The following MARF1 variants were observed in gnomAD, a reference collection of about 807,000 sequenced individuals.
The protein encoded by MARF1 is limkain-b1.
In MARF1, 24 loss-of-function variants were observed where a neutral mutation model predicts 168.2. That is an observed-to-expected ratio of 0.14 (90% CI 0.10 to 0.20). The LOEUF is 0.20. MARF1 is among the 10% of genes least tolerant of loss of function. MARF1 has a pLI of 1.00. For synonymous variants in MARF1, 868 were observed against 822.4 expected, an observed-to-expected ratio of 1.06 and a Z score of -0.95; for missense variants, 1,744 against 2,143.6, an observed-to-expected ratio of 0.81 and a Z score of 3.68.
At position 15,612,686 on chromosome 16, in the gene MARF1, T is replaced by C. The variant is rs1261445994; in HGVS notation, c.3345A>G (p.Pro1115=). The stretch of plus-strand genomic sequence containing the variant: ...AATGACTGATGGGTATGACACAAGA[T>C]GGCTGGCTTTTCAGCAAGTCAATCA... ...REVIDLLKSQ[P]SCVIPISHFI... is the part of the protein sequence containing the mutation. Residue 1115 remains proline (P), a synonymous_variant, in exon 17 of 27, where the codon CCA becomes CCG. Coordinates refer to ENST00000396368, the MANE Select transcript of MARF1 (RefSeq NM_014647.4). 2 of 1,614,188 alleles carry C rather than the reference T, an allele frequency of 1.2e-6. No individual in the cohort carries two copies. Among genetic ancestry groups the C allele is most frequent in the Non-Finnish European group, 1.7e-6 (2 of 1,180,018 alleles).
At chr16:15,604,130 T>C (rs1567533846) in intron 22 of MARF1, 38 bp downstream of exon 22, 1 of 1,467,750 alleles carries the variant, frequency 6.8e-7, no homozygotes, top group South Asian at 1.1e-5. Context: ...AATCGATAGT[T>C]TTCAATGATA....
In MARF1 at chr16:15,602,119, T is replaced by C. The variant is rs1168987574; in HGVS notation, c.4498A>G (p.Thr1500Ala). ...FAKNVRSLLH[T>A]YHYQQIFLHE... ...AGGAAAATCTGCTGGTAGTGGTAAG[T>C]ATGAAGTAAAGACCGCACATTCTTT... is the stretch of plus-strand genomic sequence containing the variant. The change falls in exon 23 of 27, where the codon ACT (threonine) becomes GCT (alanine). Residue 1500 changes from threonine (T) to alanine (A), a missense_variant. This residue lies in a region of MARF1 where 313 missense variants were observed against 337.4 expected (regional missense o/e 0.93). Coordinates refer to ENST00000396368, the MANE Select transcript of MARF1 (RefSeq NM_014647.4). The C allele has an allele frequency of 1.2e-6, 2 of 1,614,138 alleles. No homozygotes were observed. Among genetic ancestry groups the C allele is most frequent in the Non-Finnish European group, 1.7e-6 (2 of 1,179,982 alleles).
chr16:15,635,451 T>C, intron 3 of MARF1: 2 of 564,656 alleles, frequency 3.5e-6, no homozygotes, highest in East Asian at 5.7e-5. Flanking sequence ...ACTACAAAAA[T>C]AATGACTCTC....
intron 25 of MARF1, among the ~76,000 whole-genome samples, chr16:15,599,588 G>A (rs922316784): frequency 6.6e-6 from 1 of 152,136 alleles, no homozygotes; most frequent in South Asian, 2.1e-4. Context: ...CACAGGGGAC[G>A]GTAACGTGCT....
chr16:15,620,389 T>G, intron 13 of MARF1, 62 bp downstream of exon 13: 1 of 980,300 alleles, frequency 1.0e-6, no homozygotes, highest in Non-Finnish European at 1.6e-6. Flanking sequence ...ATTACCATGG[T>G]TTTGTGCATG....
At chr16:15,628,329 TG>T (rs34561132) in intron 7 of MARF1, among the ~76,000 whole-genome samples, 1 of 152,120 alleles carries the variant, frequency 6.6e-6, no homozygotes, top group Non-Finnish European at 1.5e-5. Context: ...GGTAGAATTG[TG>T]GGGTTTTCAC....
chr16:15,636,888 A>G lies in MARF1; in HGVS notation c.145-546T>C, dbSNP rs144154846. On this transcript the variant is annotated intron_variant, in intron 2 of 26. Coordinates refer to ENST00000396368, the MANE Select transcript of MARF1 (RefSeq NM_014647.4). ...ATGGCCCATCCGTGTTGCTGATGAC[A>G]TTTCATAAACCCTAAGATATCATGA... Among the ~76,000 whole-genome samples, 39 of 152,328 alleles carry G rather than the reference A, an allele frequency of 2.6e-4. No individual in the cohort carries two copies. The East Asian group carries it at 7.1e-3, about 28-fold the overall frequency.
chr16:15,621,674 TA>T, intron 12 of MARF1, 58 bp downstream of exon 12: 2 of 1,508,654 alleles, frequency 1.3e-6, no homozygotes, highest in Non-Finnish European at 9.1e-7. Context: ...TTATTATTTC[TA>T]AAATTGTTTC....
intron 25 of MARF1, among the ~76,000 whole-genome samples, chr16:15,599,946 T>TC (rs1347506618): frequency 2.6e-5 from 4 of 152,080 alleles, no homozygotes; most frequent in Non-Finnish European, 5.9e-5. Flanking sequence ...GAGAATCCCC[T>TC]CACCCTTCAC....
Position 15,604,333 on chromosome 16 carries a change from A to C in MARF1, c.4248T>G (p.Thr1416=), listed in dbSNP as rs761258455. 6.2e-7 allele frequency: 1 copy of C among 1,614,164 alleles called. No individual in the cohort carries two copies. The highest frequency in any genetic ancestry group is 2.2e-5 in the East Asian group (1 of 44,876). ...LINRKSLRSL[T]AQLLVLLMSW... is the part of the protein sequence containing the mutation. ...ACATCAACAATACCAGCAACTGGGC[A>C]GTGAGAGATCGCAGAGACTTTCGGT... The change falls in exon 22 of 27, where the codon ACT becomes ACG. Residue 1416 remains threonine (T), a synonymous_variant. Coordinates refer to ENST00000396368, the MANE Select transcript of MARF1 (RefSeq NM_014647.4).
intron 5 of MARF1, among the ~76,000 whole-genome samples, chr16:15,632,026 ATTC>A (rs1401524655): frequency 6.6e-6 from 1 of 152,194 alleles, no homozygotes; most frequent in East Asian, 1.9e-4. Context: ...TTAATAAGTA[ATTC>A]TTGAGAAAAA....
chr16:15,600,572 C>G lies in MARF1; in HGVS notation c.4688-19G>C, dbSNP rs1470941609. The G allele has an allele frequency of 1.9e-6, 3 of 1,614,150 alleles. No individual in the cohort carries two copies. The East Asian group carries it at 6.7e-5, about 36-fold the overall frequency. On this transcript the variant is annotated intron_variant, in intron 24 of 26. Transcript: ENST00000396368. ...AAACGACCTACAGGACAAAGAGCAC[C>G]CGTCAGAGAGAAATGTCAGTGAGAG...
rs756649354 is a variant in MARF1, at chr16:15,625,551, T to C, written c.1774A>G (p.Thr592Ala). ...TCAGCAATTGCATTTGAACTCTTTG[T>C]TTCACAGAGTTCTCTATTTTTTGGA... Reference protein sequence around the residue: ...FTPKNRELCETKSSNAIADKV... With the variant: ...FTPKNRELCEAKSSNAIADKV... The change falls in exon 8 of 27, where the codon ACA (threonine) becomes GCA (alanine). Residue 592 changes from threonine to alanine, a missense_variant. Around this residue, in one of 7 missense-constraint regions of MARF1, gnomAD observed 270 missense variants for 260.6 expected, o/e 1.04. Transcript: ENST00000396368. 1 of 1,614,072 alleles carries C rather than the reference T, an allele frequency of 6.2e-7. No individual in the cohort carries two copies. Among genetic ancestry groups the C allele is most frequent in the East Asian group, 2.2e-5 (1 of 44,900 alleles).
At chr16:15,640,150 A>T (rs1596515477) in intron 1 of MARF1, among the ~76,000 whole-genome samples, 2 of 152,240 alleles carry the variant, frequency 1.3e-5, no homozygotes, top group African/African-American at 4.8e-5. Flanking sequence ...ATCCTCATTG[A>T]CAACTATATG....
rs759175959 is a variant in MARF1 at position 15,622,920 on chromosome 16, A to T, written c.2460+14T>A. 4 of 1,565,948 alleles carry T rather than the reference A, an allele frequency of 2.6e-6. No individual in the cohort carries two copies. The highest frequency in any genetic ancestry group is 3.5e-6 in the Non-Finnish European group (4 of 1,147,426). Reference sequence around the variant, plus strand: ...GAGAGTATAACAAAGCAAGCACAAGAGGGAAAAAGTTACCTTGCCATGCCT... The same window carrying T: ...GAGAGTATAACAAAGCAAGCACAAGTGGGAAAAAGTTACCTTGCCATGCCT... On this transcript the variant is annotated intron_variant, in intron 11 of 26. Transcript: ENST00000396368.
chr16:15,597,965 G>A (rs1213029106), intron 26 of MARF1, among the ~76,000 whole-genome samples: 1 of 152,174 alleles, frequency 6.6e-6, no homozygotes, highest in Non-Finnish European at 1.5e-5. Context: ...GGGCAACAGT[G>A]CTGAACGCTG....
intron 15 of MARF1, chr16:15,616,820 T>G (rs1370396325): frequency 2.0e-6 from 1 of 497,862 alleles, no homozygotes; most frequent in Non-Finnish European, 3.5e-6. Context: ...CATCGAAAGG[T>G]CTAGTGAAAA....
chr16:15,639,108 C>G lies in MARF1; in HGVS notation c.126G>C (p.Leu42=), dbSNP rs762548255. Residue 42 remains leucine, a synonymous_variant, in exon 2 of 27, where the codon CTG becomes CTC. Coordinates refer to ENST00000396368, the MANE Select transcript of MARF1 (RefSeq NM_014647.4). The part of the protein sequence containing the change: ...SNCFSRPEQT[L]PHSPQTKEYM... ...TAGTTACCGTTTGGGGACTATGTGGCAGCGTCTGCTCAGGACGAGAAAAGC... is the reference window on the plus strand; with the variant it reads ...TAGTTACCGTTTGGGGACTATGTGGGAGCGTCTGCTCAGGACGAGAAAAGC... 6.2e-7 allele frequency: 1 copy of G among 1,613,914 alleles called. No individual in the cohort carries two copies. Among genetic ancestry groups the G allele is most frequent in the Non-Finnish European group, 8.5e-7 (1 of 1,179,898 alleles).
chr16:15,600,897 AAGC>A, intron 23 of MARF1, 196 bp from the exon 24 acceptor site: 1 of 710,354 alleles, frequency 1.4e-6, no homozygotes, highest in Non-Finnish European at 2.6e-6. Context: ...CCCCTATAAA[AAGC>A]AGAGTAGTTC....
Sources: allele counts gnomAD v4.1 joint callset (sites outside exome capture counted in the v4.1 genomes callset), GRCh38; gene constraint gnomAD v4.1.1; regional missense constraint gnomAD v4.1.1; transcripts MANE v1.5; gene names NCBI Gene and HGNC (gene_info 2026-07-23, HGNC 2026-07-21).